DNAH5: variants seen among roughly 807,000 people sequenced by gnomAD.
DNAH5 encodes the protein axonemal beta dynein heavy chain 5.
Under a neutral mutation model 518.2 loss-of-function variants are expected in DNAH5, and 372 were observed. That is an observed-to-expected ratio of 0.72 (90% CI 0.66 to 0.78). The LOEUF (loss-of-function observed/expected upper bound fraction) is 0.78, where lower values mean the gene tolerates loss of function less well. Among genes scored for constraint, DNAH5 ranks in the 30% least tolerant of loss-of-function variants. The pLI, the probability that DNAH5 is intolerant of heterozygous loss-of-function variation, is 0.00. For synonymous variants in DNAH5, 2,039 were observed against 2,025.9 expected (o/e 1.01, Z -0.17); for missense variants, 5,523 against 5,687.0 (o/e 0.97, Z 0.93).
In DNAH5 at chr5:13,750,968, G is replaced by A; in HGVS notation, c.11211+110C>T. Reference sequence around the variant, plus strand: ...GGAGATTAATGGAAAAAAACACAGGGAATAAAAGGAGAGAAACTCAGTCCT... The same window carrying A: ...GGAGATTAATGGAAAAAAACACAGGAAATAAAAGGAGAGAAACTCAGTCCT... On this transcript the variant is annotated intron_variant, in intron 65 of 78. Transcript: ENST00000265104. 5.7e-6 allele frequency: 7 copies of A among 1,221,496 alleles called. No individual in the cohort carries two copies. In the Middle Eastern group the frequency reaches 1.0e-3, roughly 181 times the overall value. 75.7% of individuals were successfully genotyped at this position (1,221,496 alleles called of 1,614,324 possible).
intron 53 of DNAH5, among the ~76,000 whole-genome samples, chr5:13,778,539 G>GAAGAAAGAAAAAGA (rs1754487301): frequency 1.4e-5 from 1 of 73,858 alleles, no homozygotes; most frequent in Admixed American, 1.6e-4. Flanking sequence ...GAGAGAGAGA[G>GAAGAAAGAAAAAGA]AAGAAAGAAA....
chr5:13,907,235 A>T (rs1240313076), intron 12 of DNAH5, among the ~76,000 whole-genome samples: 1 of 152,204 alleles, frequency 6.6e-6, no homozygotes. Context: ...GTTCGAGACC[A>T]GTCTGGCCAA....
At chr5:13,876,933 T>G in intron 21 of DNAH5, 116 bp from the exon 22 acceptor site, 1 of 1,051,294 alleles carries the variant, frequency 9.5e-7, no homozygotes, top group Non-Finnish European at 1.4e-6. Flanking sequence ...TTCTCCTTTA[T>G]AAAAACAATG....
rs756578891 is a variant in DNAH5 at position 13,729,542 on chromosome 5, A to C, written c.11780T>G (p.Leu3927Arg). 1.2e-6 allele frequency: 2 copies of C among 1,613,172 alleles called. No homozygotes were observed. Among genetic ancestry groups the C allele is most frequent in the South Asian group, 2.2e-5 (2 of 90,942 alleles). Residue 3927 changes from leucine (L) to arginine (R), a missense_variant, in exon 69 of 79, where the codon CTT (leucine) becomes CGT (arginine). Physicochemically the swap from Leu to Arg is moderately radical, Grantham distance 102. Coordinates refer to ENST00000265104, the MANE Select transcript of DNAH5 (RefSeq NM_001369.3). ...TGATGGTTTTGGAGGACAAGCTTTA[A>C]GGTCTAATGAGGCACCTCCTTTAAA... ...TLIKGGASLD[L>R]KACPPKPSKW... is the part of the protein sequence containing the mutation.
intron 1 of DNAH5, among the ~76,000 whole-genome samples, chr5:13,996,271 T>C (rs1042258794): frequency 3.9e-5 from 6 of 152,154 alleles, no homozygotes; most frequent in African/African-American, 1.4e-4. Context: ...AACAAGAATT[T>C]TGGAGGGACA....
At chr5:13,801,058 C>T (rs1162583720) in intron 47 of DNAH5, among the ~76,000 whole-genome samples, 3 of 152,194 alleles carry the variant, frequency 2.0e-5, no homozygotes, top group African/African-American at 7.2e-5. Flanking sequence ...TTCTCACTGT[C>T]TCCTATGCCT....
intron 29 of DNAH5, among the ~76,000 whole-genome samples, chr5:13,859,973 G>A (rs551326307): frequency 5.8e-4 from 88 of 152,242 alleles, no homozygotes; most frequent in Non-Finnish European, 9.4e-4. Flanking sequence ...GGAGTCTCTG[G>A]TTTTTCATAT....
In DNAH5 at chr5:13,996,282, C is replaced by T. The variant is rs1452276896; in HGVS notation, c.12+15366G>A. On this transcript the variant is annotated intron_variant, in intron 1 of 78. Transcript: ENST00000681290. ...TTTCAACAAGAATTTTGGAGGGACA[C>T]AACACTTAAACCACAGCATTCTCCC... is the stretch of plus-strand genomic sequence containing the variant. Among the ~76,000 whole-genome samples the T allele has an allele frequency of 2.0e-5, 3 of 152,158 alleles. No individual in the cohort carries two copies. In the East Asian group the frequency reaches 5.8e-4, roughly 29 times the overall value.
intron 1 of DNAH5, among the ~76,000 whole-genome samples, chr5:13,959,093 T>C (rs1780971494): frequency 6.6e-6 from 1 of 152,190 alleles, no homozygotes; most frequent in South Asian, 2.1e-4. Context: ...ATTACAGGCA[T>C]GTGCCACCAC....
intron 8 of DNAH5, among the ~76,000 whole-genome samples, 194 bp downstream of exon 8, chr5:13,916,949 G>A (rs1363287914): frequency 6.6e-6 from 1 of 152,180 alleles, no homozygotes; most frequent in Non-Finnish European, 1.5e-5. Flanking sequence ...AGACTGCTTA[G>A]AGAAATAGAT....
intron 1 of DNAH5, among the ~76,000 whole-genome samples, chr5:13,931,479 A>G (rs1282413833): frequency 6.6e-6 from 1 of 152,244 alleles, no homozygotes; most frequent in East Asian, 1.9e-4. Flanking sequence ...GCCAAGAGAG[A>G]AAAATCTGCC....
intron 60 of DNAH5, 141 bp from the exon 61 acceptor site, chr5:13,759,124 A>G (rs1348719083): frequency 1.9e-5 from 21 of 1,116,928 alleles, no homozygotes; most frequent in Middle Eastern, 2.7e-4. Context: ...AATCACATTA[A>G]GTCCTGAACA....
chr5:13,967,514 T>G (rs931369376), intron 1 of DNAH5, among the ~76,000 whole-genome samples: 1 of 152,244 alleles, frequency 6.6e-6, no homozygotes, highest in Non-Finnish European at 1.5e-5. Flanking sequence ...CTGGGTTCTC[T>G]ATTCTGTTCC....
chr5:13,901,429 T>G lies in DNAH5; in HGVS notation c.1875A>C (p.Gly625=), dbSNP rs760104411. ...PLARNQPPIA[G]KILWARQLFH... Reference sequence around the variant, plus strand: ...AGAGCTGGCGGGCCCACAAAATCTTTCCAGCGATGGGAGGCTGGTTTCGAG... The same window carrying G: ...AGAGCTGGCGGGCCCACAAAATCTTGCCAGCGATGGGAGGCTGGTTTCGAG... Residue 625 remains glycine (G), a synonymous_variant, in exon 14 of 79, where the codon GGA becomes GGC. Coordinates refer to ENST00000265104, the MANE Select transcript of DNAH5 (RefSeq NM_001369.3). The G allele has an allele frequency of 1.9e-6, 3 of 1,614,038 alleles. No individual in the cohort carries two copies. In the East Asian group the frequency reaches 6.7e-5, roughly 36 times the overall value.
chr5:13,695,618 C>T (rs772805019), intron 78 of DNAH5, among the ~76,000 whole-genome samples: 2 of 152,174 alleles, frequency 1.3e-5, no homozygotes, highest in Non-Finnish European at 2.9e-5. Context: ...AGCCAGGAAT[C>T]ATGGGCAAAT....
At chr5:13,855,165 C>G (rs1767441721) in intron 30 of DNAH5, among the ~76,000 whole-genome samples, 1 of 151,634 alleles carries the variant, frequency 6.6e-6, no homozygotes, top group South Asian at 2.1e-4. Flanking sequence ...AGTAAACTAA[C>G]AAGAACCACT....
intron 41 of DNAH5, among the ~76,000 whole-genome samples, chr5:13,818,325 A>G (rs551644838): frequency 6.6e-6 from 1 of 152,226 alleles, no homozygotes; most frequent in African/African-American, 2.4e-5. Context: ...TGGGCAGGGC[A>G]TGGTGGCTCA....
chr5:13,778,536 A>C (rs1754476473), intron 53 of DNAH5, among the ~76,000 whole-genome samples: 1 of 146,124 alleles, frequency 6.8e-6, no homozygotes, highest in Non-Finnish European at 1.5e-5. Flanking sequence ...TGAGAGAGAG[A>C]GAGAAGAAAG....
intron 59 of DNAH5, among the ~76,000 whole-genome samples, chr5:13,764,890 C>T (rs1752304420): frequency 1.3e-5 from 2 of 152,098 alleles, no homozygotes; most frequent in Admixed American, 1.3e-4. Context: ...TGTTAAATTT[C>T]CAAGAATTCT....
Sources: gnomAD v4.1 joint callset for allele counts (sites outside exome capture counted in the v4.1 genomes callset) on GRCh38, gnomAD v4.1.1 for gene constraint, MANE v1.5 for transcripts, NCBI Gene and HGNC (gene_info 2026-07-23, HGNC 2026-07-21) for gene names.